Variants in MBNL1 observed in about 807,000 individuals in gnomAD.
MBNL1 encodes the protein muscleblind-like protein 1.
Under a neutral mutation model 42.2 loss-of-function variants are expected in MBNL1, and 8 were observed. That is an observed-to-expected ratio of 0.19 (90% CI 0.11 to 0.34). The LOEUF (loss-of-function observed/expected upper bound fraction) is 0.34. Among genes scored for constraint, MBNL1 ranks in the 10% least tolerant of loss-of-function variants. MBNL1 has a pLI of 1.00. For synonymous variants in MBNL1, 169 were observed against 173.9 expected (o/e 0.97, Z 0.22); for missense variants, 309 against 495.3 (o/e 0.62, Z 3.57).
At chr3:152,312,238 G>GAAAAAA in intron 2 of MBNL1, among the ~76,000 whole-genome samples, 1 of 149,268 alleles carries the variant, frequency 6.7e-6, no homozygotes, top group Non-Finnish European at 1.5e-5. Flanking sequence ...TATTAGAATT[G>GAAAAAA]ATCATGTTAT....
At chr3:152,355,864 TAG>T (rs1002171353) in intron 2 of MBNL1, among the ~76,000 whole-genome samples, 1 of 152,218 alleles carries the variant, frequency 6.6e-6, no homozygotes, top group Non-Finnish European at 1.5e-5. Flanking sequence ...TTCTAGTTGA[TAG>T]AGTCAAAATC....
intron 2 of MBNL1, among the ~76,000 whole-genome samples, chr3:152,407,545 T>G (rs1396292420): frequency 3.9e-5 from 6 of 152,156 alleles, no homozygotes. Context: ...AAGAATAGTT[T>G]CTTGCCTTTA....
At chr3:152,290,396 T>C (rs2055219255) in intron 1 of MBNL1, among the ~76,000 whole-genome samples, 1 of 152,092 alleles carries the variant, frequency 6.6e-6, no homozygotes. Flanking sequence ...ATAGGTTAAT[T>C]ATGGAGAAGA....
chr3:152,337,981 A>C, intron 2 of MBNL1: 1 of 579,946 alleles, frequency 1.7e-6, no homozygotes, highest in Non-Finnish European at 2.1e-6. Context: ...GCGGATCAGC[A>C]CCCTGGGATT....
At chr3:152,428,223 A>C (rs950759895) in intron 3 of MBNL1, among the ~76,000 whole-genome samples, 1 of 152,220 alleles carries the variant, frequency 6.6e-6, no homozygotes, top group Non-Finnish European at 1.5e-5. Flanking sequence ...AAAAGCAGCA[A>C]ATCCATTAGT....
intron 2 of MBNL1, among the ~76,000 whole-genome samples, chr3:152,408,256 T>C (rs1300998040): frequency 6.6e-6 from 1 of 152,180 alleles, no homozygotes; most frequent in African/African-American, 2.4e-5. Flanking sequence ...ATATACTATG[T>C]ATATTTACTC....
At position 152,462,434 on chromosome 3, in the gene MBNL1, G is replaced by A. The variant is rs545625702; in HGVS notation, c.*68G>A. 1.3e-5 allele frequency: 2 copies of A among 152,248 alleles called. No individual in the cohort carries two copies. Among genetic ancestry groups the A allele is most frequent in the Non-Finnish European group, 2.9e-5 (2 of 67,992 alleles). 9.4% of individuals were successfully genotyped at this position (152,248 alleles called of 1,614,324 possible). On this transcript the variant is annotated 3_prime_UTR_variant, in exon 10 of 10. Transcript: ENST00000324210. ...TGTGCTTGGTTAGAGTAAAGGACGA[G>A]GTCATTAGCCATATTGTATATATCG...
upstream of MBNL1, chr3:152,267,013 C>A (rs1322063880): frequency 6.6e-6 from 1 of 152,286 alleles, no homozygotes; most frequent in Admixed American, 6.5e-5. Flanking sequence ...TCCTGCCACT[C>A]TCCTGTACTA....
At chr3:152,380,754 T>A (rs2097146139) in intron 2 of MBNL1, among the ~76,000 whole-genome samples, 1 of 152,076 alleles carries the variant, frequency 6.6e-6, no homozygotes, top group Non-Finnish European at 1.5e-5. Flanking sequence ...GCACTTCTGA[T>A]TACGTATTTC....
chr3:152,308,286 C>G (rs1171519075), intron 2 of MBNL1, among the ~76,000 whole-genome samples: 5 of 152,198 alleles, frequency 3.3e-5, no homozygotes, highest in Non-Finnish European at 5.9e-5. Flanking sequence ...CAGACCCCAG[C>G]TGCTTTTGTC....
At chr3:152,292,655 A>G (rs2151074889) in intron 1 of MBNL1, among the ~76,000 whole-genome samples, 2 of 152,318 alleles carry the variant, frequency 1.3e-5, no homozygotes, top group South Asian at 4.1e-4. Flanking sequence ...CAGTATTGTT[A>G]AAACTTAGTC....
chr3:152,256,700 A>G (rs1289688479), intron 2 of MBNL1, among the ~76,000 whole-genome samples: 2 of 152,204 alleles, frequency 1.3e-5, no homozygotes, highest in African/African-American at 2.4e-5. Context: ...GAGAAAGAAT[A>G]CAGAATAGCT....
chr3:152,382,643 A>T (rs755626616), intron 2 of MBNL1, among the ~76,000 whole-genome samples: 2 of 152,140 alleles, frequency 1.3e-5, no homozygotes, highest in African/African-American at 2.4e-5. Context: ...TGTCTTTAAT[A>T]CTTTTCCAGT....
In MBNL1 at chr3:152,346,881, TAAA is replaced by T. The variant is rs35680881; in HGVS notation, c.174+46529_174+46531del. 9.7e-3 allele frequency among the ~76,000 whole-genome samples: 1,374 copies of T among 141,854 alleles called. 15 individuals carry two copies. The highest frequency in any genetic ancestry group is 0.014 in the Non-Finnish European group (918 of 65,226). The allele number at this position is 141,854 out of a possible 152,430, so 93.1% of individuals were successfully genotyped here. A position where few individuals can be genotyped will look rare whatever the true frequency, so the allele number is the denominator to read the frequency against. On this transcript the variant is annotated intron_variant, in intron 2 of 9. Transcript: ENST00000324210. ...CCAAATTGTTTCAAATCACTTTAAT[TAAA>T]AAAAAAAAAAAAAACCAGTCATGGT...
chr3:152,247,144 C>CT (rs558073158), intron 2 of MBNL1, among the ~76,000 whole-genome samples: 126 of 152,046 alleles, frequency 8.3e-4, no homozygotes, highest in African/African-American at 2.7e-3. Context: ...AGTTTGTTGC[C>CT]TGAAAGAAAG....
At chr3:152,253,198 C>T (rs780096517) in intron 2 of MBNL1, among the ~76,000 whole-genome samples, 5 of 152,052 alleles carry the variant, frequency 3.3e-5, no homozygotes, top group African/African-American at 1.2e-4. Context: ...CCCTCATTTC[C>T]TACCCCTCTG....
At chr3:152,270,412 A>C (rs181765016) in intron 1 of MBNL1, among the ~76,000 whole-genome samples, 47 of 152,316 alleles carry the variant, frequency 3.1e-4, no homozygotes, top group Non-Finnish European at 5.0e-4. Context: ...GTTTGAACAC[A>C]GTGTCTGTTT....
chr3:152,268,945 C>G lies in MBNL1; in HGVS notation c.-937C>G. ...ACATGCAACAGTCTTTTCACTGCAG[C>G]TGAATGAGTTGTGGCGCCCACAATG... On this transcript the variant is annotated 5_prime_UTR_variant, in exon 1 of 10. Transcript: ENST00000324210. 1 of 456,264 alleles carries G rather than the reference C, an allele frequency of 2.2e-6. No individual in the cohort carries two copies. The allele number at this position is 456,264 out of a possible 1,614,324, so 28.3% of individuals were successfully genotyped here.
Position 152,445,553 on chromosome 3 carries a change from T to C in MBNL1, c.807+14T>C, listed in dbSNP as rs753103147. The C allele has an allele frequency of 1.2e-5, 20 of 1,601,570 alleles. No homozygotes were observed. In the East Asian group the frequency reaches 1.6e-4, roughly 13 times the overall value. ...GCAGCTGCCATGGTGAGTAGAGATA[T>C]CAGCTCTCTCCTTGTTAGCAGTCAG... On this transcript the variant is annotated intron_variant, in intron 5 of 9. Transcript: ENST00000324210.
Sources: gnomAD v4.1 joint callset for allele counts (sites outside exome capture counted in the v4.1 genomes callset) on GRCh38, gnomAD v4.1.1 for gene constraint, MANE v1.5 for transcripts, NCBI Gene and HGNC (gene_info 2026-07-23, HGNC 2026-07-21) for gene names.